APBB2: variants seen among roughly 807,000 people sequenced by gnomAD.
The protein encoded by APBB2 is Fe65-like 1.
A neutral mutation model predicts 82.5 loss-of-function variants in APBB2; 38 were observed. That is an observed-to-expected ratio of 0.46 (90% CI 0.36 to 0.60). The LOEUF is 0.60. Ranked by LOEUF, APBB2 falls within the 20% of genes least tolerant of loss-of-function variation. The probability of loss-of-function intolerance (pLI) is 0.00; values close to 1 mark genes in which losing one functional copy is unlikely to be tolerated. For missense variants in APBB2, 772 were observed against 972.3 expected, an observed-to-expected ratio of 0.79 and a Z score of 2.74; for synonymous variants, 341 against 368.2, an observed-to-expected ratio of 0.93 and a Z score of 0.85.
At chr4:40,852,402 A>G (rs1759777850) in intron 12 of APBB2, among the ~76,000 whole-genome samples, 1 of 151,766 alleles carries the variant, frequency 6.6e-6, no homozygotes, top group African/African-American at 2.4e-5. Flanking sequence ...ATAAACTGGG[A>G]ACAAAGGTAG....
chr4:41,135,530 TA>T (rs1270388483), intron 2 of APBB2, among the ~76,000 whole-genome samples: 2 of 152,226 alleles, frequency 1.3e-5, no homozygotes, highest in Non-Finnish European at 2.9e-5. Flanking sequence ...GTCATGCGTA[TA>T]GATCTTATTT....
intron 1 of APBB2, among the ~76,000 whole-genome samples, chr4:41,200,231 A>G (rs1776369019): frequency 6.6e-6 from 1 of 152,230 alleles, no homozygotes; most frequent in East Asian, 1.9e-4. Flanking sequence ...ATTGTGGTGA[A>G]AATGACATTT....
chr4:41,198,445 C>G, intron 1 of APBB2, among the ~76,000 whole-genome samples: 1 of 152,200 alleles, frequency 6.6e-6, no homozygotes, highest in Non-Finnish European at 1.5e-5. Flanking sequence ...ATAATAGCAG[C>G]AAGCACTGTT....
At chr4:40,932,232 G>C (rs867735085) in intron 10 of APBB2, among the ~76,000 whole-genome samples, 4 of 152,204 alleles carry the variant, frequency 2.6e-5, no homozygotes, top group Admixed American at 1.3e-4. Context: ...TCCAGCCTTT[G>C]CTGATAGAAT....
chr4:40,937,217 A>T (rs549266843), intron 7 of APBB2, among the ~76,000 whole-genome samples: 2 of 152,344 alleles, frequency 1.3e-5, no homozygotes, highest in South Asian at 4.1e-4. Flanking sequence ...AGAAATTTAT[A>T]AAGAAACAAG....
chr4:41,197,626 G>A, intron 1 of APBB2, among the ~76,000 whole-genome samples: 1 of 152,118 alleles, frequency 6.6e-6, no homozygotes, highest in African/African-American at 2.4e-5. Context: ...ACCTGCCAAC[G>A]TCTTTAGAGA....
In APBB2 at chr4:41,014,342, C is replaced by T. The variant is rs951466767; in HGVS notation, c.76G>A (p.Val26Ile). The T allele has an allele frequency of 6.2e-6, 10 of 1,613,986 alleles. No individual in the cohort carries two copies. Among genetic ancestry groups the T allele is most frequent in the African/African-American group, 2.7e-5 (2 of 74,980 alleles). ...VFMASSGTTD[V>I]TNRNSPATPP... ...GTGGCTGGGCTGTTCCGATTTGTGA[C>T]GTCTGTAGTTCCGCTGCTGGCCATA... The change falls in exon 6 of 18, where the codon GTC becomes ATC. Residue 26 changes from valine (V) to isoleucine (I), a missense_variant. Transcript: ENST00000508593.
chr4:40,973,062 T>A (rs1241953601), intron 6 of APBB2, among the ~76,000 whole-genome samples: 2 of 152,248 alleles, frequency 1.3e-5, no homozygotes, highest in African/African-American at 2.4e-5. Context: ...TATATTTGAA[T>A]GACATATACA....
chr4:40,824,134 T>C (rs1373081188), intron 15 of APBB2, among the ~76,000 whole-genome samples: 1 of 151,548 alleles, frequency 6.6e-6, no homozygotes, highest in African/African-American at 2.4e-5. Context: ...CCTGGGCAAG[T>C]ATCAGTGAGA....
intron 6 of APBB2, among the ~76,000 whole-genome samples, chr4:40,951,690 A>C (rs4861074): frequency 0.18 from 27,004 of 152,200 alleles, 2,796 homozygotes; most frequent in Admixed American, 0.25. Flanking sequence ...GTAGTGTATA[A>C]AACACTTAGA....
At chr4:41,119,660 C>T (rs1183523224) in intron 2 of APBB2, among the ~76,000 whole-genome samples, 2 of 152,030 alleles carry the variant, frequency 1.3e-5, no homozygotes, top group Admixed American at 1.3e-4. Flanking sequence ...CATACTATAT[C>T]CGATTCCTGC....
chr4:41,101,342 T>C (rs888974216), intron 2 of APBB2, among the ~76,000 whole-genome samples: 8 of 150,098 alleles, frequency 5.3e-5, no homozygotes, highest in African/African-American at 2.0e-4. Flanking sequence ...CGGGCGCCTG[T>C]AGTCCCAGCT....
rs1381252359 is a variant in APBB2, at chr4:40,890,494, G to A, written c.1402-3C>T. On this transcript the variant is annotated splice_polypyrimidine_tract_variant and splice_region_variant and intron_variant, in intron 11 of 17. Transcript: ENST00000508593. ...AGGATCAGGTACATGTCTTTCCCCT[G>A]GGACACAACGAGAAAACACGCTGTC... 2 of 1,613,744 alleles carry A rather than the reference G, an allele frequency of 1.2e-6. No individual in the cohort carries two copies. The highest frequency in any genetic ancestry group is 3.3e-5 in the Admixed American group (2 of 59,946).
In APBB2 at chr4:41,091,590, T is replaced by C. The variant is rs147266298; in HGVS notation, c.-149+9049A>G. Among the ~76,000 whole-genome samples, 566 of 152,256 alleles carry C rather than the reference T, an allele frequency of 3.7e-3. 5 individuals are homozygous for C. Among genetic ancestry groups the C allele is most frequent in the Non-Finnish European group, 6.4e-3 (433 of 68,010 alleles). On this transcript the variant is annotated intron_variant, in intron 3 of 17. Coordinates refer to ENST00000508593, the MANE Select transcript of APBB2 (RefSeq NM_004307.2). ...TTCTTGAAGTTGGTGAGGGATTGAT[T>C]GTGTCTTTCCCATCACTGAATCACC...
chr4:41,063,511 A>G (rs949655289), intron 4 of APBB2, among the ~76,000 whole-genome samples: 1 of 152,170 alleles, frequency 6.6e-6, no homozygotes, highest in Admixed American at 6.5e-5. Flanking sequence ...ATATGTGAAG[A>G]GCTGTTTACC....
At chr4:40,851,740 T>A (rs2099486) in intron 12 of APBB2, among the ~76,000 whole-genome samples, 6,484 of 38,014 alleles carry the variant, frequency 0.17, 151 homozygotes, top group Non-Finnish European at 0.25. Flanking sequence ...ATATATATAT[T>A]TTTTTTTTTT....
chr4:40,969,044 T>A (rs1795334944), intron 6 of APBB2, among the ~76,000 whole-genome samples: 1 of 152,230 alleles, frequency 6.6e-6, no homozygotes, highest in Non-Finnish European at 1.5e-5. Flanking sequence ...TCTTTCGCCT[T>A]CCACCATGAT....
chr4:41,163,669 C>T (rs1765748390), intron 1 of APBB2, among the ~76,000 whole-genome samples: 2 of 152,158 alleles, frequency 1.3e-5, no homozygotes, highest in African/African-American at 4.8e-5. Context: ...AAGCTAAATT[C>T]AACAGATCCC....
rs779350945 is a variant in APBB2 at position 40,830,593 on chromosome 4, G to A, written c.1530-16C>T. On this transcript the variant is annotated splice_polypyrimidine_tract_variant and intron_variant, in intron 12 of 17. Coordinates refer to ENST00000508593, the MANE Select transcript of APBB2 (RefSeq NM_004307.2). ...AGCAAAATCCCTGTGCAAGCAAAAT[G>A]TATCAGTCCATTAGTAAGAGAAGCT... The A allele has an allele frequency of 6.7e-7, 1 of 1,486,566 alleles. No individual in the cohort carries two copies. Among genetic ancestry groups the A allele is most frequent in the Non-Finnish European group, 9.4e-7 (1 of 1,063,926 alleles). The allele number at this position is 1,486,566 out of a possible 1,614,324, so 92.1% of individuals were successfully genotyped here. A position where few individuals can be genotyped will look rare whatever the true frequency, so the allele number is the denominator to read the frequency against.
Sources: gnomAD v4.1 joint callset for allele counts (sites outside exome capture counted in the v4.1 genomes callset) on GRCh38, gnomAD v4.1.1 for gene constraint, MANE v1.5 for transcripts, NCBI Gene and HGNC (gene_info 2026-07-23, HGNC 2026-07-21) for gene names.